The following SGCB variants were observed in gnomAD, a reference collection of about 807,000 sequenced individuals.
The protein encoded by SGCB is beta-sarcoglycan.
SGCB carries 25 observed loss-of-function variants against 27.3 expected under a neutral mutation model. That is an observed-to-expected ratio of 0.92 (90% CI 0.67 to 1.28). The LOEUF (loss-of-function observed/expected upper bound fraction) is 1.28. Ranked by LOEUF, SGCB falls within the 50% of genes most tolerant of loss-of-function variation. The pLI, the probability that SGCB is intolerant of heterozygous loss-of-function variation, is 0.00. For missense variants in SGCB, 436 were observed against 402.1 expected (o/e 1.08, Z -0.72); for synonymous variants, 147 against 133.5 (o/e 1.10, Z -0.70).
At chr4:52,036,287 G>A (rs1461396049) in intron 1 of SGCB, among the ~76,000 whole-genome samples, 1 of 152,210 alleles carries the variant, frequency 6.6e-6, no homozygotes, top group Admixed American at 6.5e-5. Context: ...TGGAGACTTT[G>A]AGAGGCAACC....
At position 52,021,244 on chromosome 4, in the gene SGCB, C is replaced by T. The variant is rs1364098432; in HGVS notation, c.*2713G>A. 6.6e-6 allele frequency: 1 copy of T among 152,218 alleles called. No individual in the cohort carries two copies. The highest frequency in any genetic ancestry group is 1.5e-5 in the Non-Finnish European group (1 of 68,098). 9.4% of individuals were successfully genotyped at this position (152,218 alleles called of 1,614,324 possible). ...TCACCCACCTCCCCCATGGCTACTG[C>T]TTGTCATATCTGTGCTCAGTGCAGG... On this transcript the variant is annotated 3_prime_UTR_variant, in exon 6 of 6. Transcript: ENST00000381431.
rs949154292 is a variant in SGCB, at chr4:52,021,141, C to T, written c.*2816G>A. 3 of 152,156 alleles carry T rather than the reference C, an allele frequency of 2.0e-5. No individual in the cohort carries two copies. The highest frequency in any genetic ancestry group is 7.2e-5 in the African/African-American group (3 of 41,428). 9.4% of individuals were successfully genotyped at this position (152,156 alleles called of 1,614,324 possible). A position where few individuals can be genotyped will look rare whatever the true frequency, so the allele number is the denominator to read the frequency against. ...CATTGATTTCATTTGCCCCCCTTGT[C>T]ATTGCAACCCGTCTCTAGAATACTG... On this transcript the variant is annotated 3_prime_UTR_variant, in exon 6 of 6. Coordinates refer to ENST00000381431, the MANE Select transcript of SGCB (RefSeq NM_000232.5).
rs1352800610 is a variant in SGCB, at chr4:52,021,241, C to T, written c.*2716G>A. On this transcript the variant is annotated 3_prime_UTR_variant, in exon 6 of 6. Transcript: ENST00000381431. ...TTGTCACCCACCTCCCCCATGGCTA[C>T]TGCTTGTCATATCTGTGCTCAGTGC... 1 of 152,248 alleles carries T rather than the reference C, an allele frequency of 6.6e-6. No individual in the cohort carries two copies. The highest frequency in any genetic ancestry group is 6.5e-5 in the Admixed American group (1 of 15,284). 9.4% of individuals were successfully genotyped at this position (152,248 alleles called of 1,614,324 possible).
At chr4:52,037,690 A>G (rs2109379974) in intron 1 of SGCB, among the ~76,000 whole-genome samples, 1 of 152,350 alleles carries the variant, frequency 6.6e-6, no homozygotes, top group Admixed American at 6.5e-5. Context: ...AAAAGTGAAC[A>G]GGAGATAGTT....
rs1484409119 is a variant in SGCB, at chr4:52,033,641, C to T, written c.34-1G>A. On this transcript the variant is annotated splice_acceptor_variant, in intron 1 of 5. Coordinates refer to ENST00000381431, the MANE Select transcript of SGCB (RefSeq NM_000232.5). LOFTEE classifies it high-confidence loss of function. ...TCTTTACAGGACCATTGGAACTTTG[C>T]TAAAAATGAAATACAACATAATGGA... The T allele has an allele frequency of 4.3e-6, 7 of 1,611,026 alleles. No individual in the cohort carries two copies. The highest frequency in any genetic ancestry group is 5.1e-6 in the Non-Finnish European group (6 of 1,177,384).
At chr4:52,025,469 G>T (rs536075314) in intron 5 of SGCB, among the ~76,000 whole-genome samples, 1 of 152,312 alleles carries the variant, frequency 6.6e-6, no homozygotes, top group South Asian at 2.1e-4. Context: ...CCGAGGTGAA[G>T]ATGTGCCTGG....
chr4:52,036,384 G>A (rs1737392577), intron 1 of SGCB, among the ~76,000 whole-genome samples: 1 of 152,118 alleles, frequency 6.6e-6, no homozygotes, highest in Admixed American at 6.6e-5. Flanking sequence ...AATGAGAGAT[G>A]TGCTTAGGGG....
In SGCB at chr4:52,029,731, T is replaced by G. The variant is rs11541943; in HGVS notation, c.376A>C (p.Thr126Pro). The change falls in exon 3 of 6, where the codon ACA becomes CCA. Residue 126 changes from threonine (T) to proline (P), a missense_variant. Transcript: ENST00000381431. ...MGVIHPLYKS[T>P]VGGRRNENLV... ...TTTTCATTTCGCCTTCCTCCTACTG[T>G]GCTTTTATAAAGAGGGTGGATCACT... 1 of 1,613,912 alleles carries G rather than the reference T, an allele frequency of 6.2e-7. No homozygotes were observed. The highest frequency in any genetic ancestry group is 1.7e-5 in the Admixed American group (1 of 60,006).
chr4:52,038,269 C>T lies in SGCB; in HGVS notation c.-10G>A. On this transcript the variant is annotated 5_prime_UTR_variant, in exon 1 of 6. Coordinates refer to ENST00000381431, the MANE Select transcript of SGCB (RefSeq NM_000232.5). ...CCGCCGCTGCCGCCATCTTCCCGCG[C>T]CCGCCGCCGCCGAGCTCCCCGCCCG... 1 of 1,294,136 alleles carries T rather than the reference C, an allele frequency of 7.7e-7. No homozygotes were observed. Among genetic ancestry groups the T allele is most frequent in the Non-Finnish European group, 9.8e-7 (1 of 1,018,926 alleles). The allele number at this position is 1,294,136 out of a possible 1,614,324, so 80.2% of individuals were successfully genotyped here.
At chr4:52,031,809 G>A in intron 2 of SGCB, 1 of 430,778 alleles carries the variant, frequency 2.3e-6, no homozygotes, top group East Asian at 7.1e-5. Context: ...ATTATTTGAG[G>A]GGTAGGGCTT....
intron 2 of SGCB, among the ~76,000 whole-genome samples, chr4:52,032,147 T>C (rs540953042): frequency 2.6e-5 from 4 of 152,314 alleles, no homozygotes; most frequent in Admixed American, 2.6e-4. Context: ...GCTGTCTAAC[T>C]GCTGGCTGGA....
In SGCB at chr4:52,036,747, C is replaced by T. The variant is rs183433248; in HGVS notation, c.33+1480G>A. ...GACTGGCTATATAATTTGTGGGGCC[C>T]AGGGGGAAAAGAAAATGTGGGGCTC... On this transcript the variant is annotated intron_variant, in intron 1 of 5. Coordinates refer to ENST00000381431, the MANE Select transcript of SGCB (RefSeq NM_000232.5). Among the ~76,000 whole-genome samples the T allele has an allele frequency of 1.8e-3, 274 of 152,138 alleles. 1 individual carries two copies. The highest frequency in any genetic ancestry group is 6.5e-3 in the African/African-American group (268 of 41,506).
rs752080167 is a variant in SGCB, at chr4:52,029,700, A to C, written c.407T>G (p.Val136Gly). ...TACAGGCTGGTTGTTGCCAGTGATG[A>C]CCAAATTTTCATTTCGCCTTCCTCC... The part of the protein sequence containing the change: ...TVGGRRNENL[V>G]ITGNNQPIVF... Residue 136 changes from valine (V) to glycine (G), a missense_variant, in exon 3 of 6, where the codon GTC becomes GGC. Val to Gly is a moderately radical substitution (Grantham distance 109). Coordinates refer to ENST00000381431, the MANE Select transcript of SGCB (RefSeq NM_000232.5). The C allele has an allele frequency of 6.2e-7, 1 of 1,613,608 alleles. No homozygotes were observed. Among genetic ancestry groups the C allele is most frequent in the Non-Finnish European group, 8.5e-7 (1 of 1,179,672 alleles).
rs762112285 is a variant in SGCB at position 52,021,008 on chromosome 4, T to A, written c.*2949A>T. 6.6e-6 allele frequency: 1 copy of A among 152,220 alleles called. No individual in the cohort carries two copies. The highest frequency in any genetic ancestry group is 2.4e-5 in the African/African-American group (1 of 41,456). The allele number at this position is 152,220 out of a possible 1,614,324, so 9.4% of individuals were successfully genotyped here. A position where few individuals can be genotyped will look rare whatever the true frequency, so the allele number is the denominator to read the frequency against. ...ATTATCACACAAAATTTATTTTGTT[T>A]TTTTCACAATGCAAAAAGAAGACAA... On this transcript the variant is annotated 3_prime_UTR_variant, in exon 6 of 6. Coordinates refer to ENST00000381431, the MANE Select transcript of SGCB (RefSeq NM_000232.5).
At position 52,023,978 on chromosome 4, in the gene SGCB, G is replaced by T; in HGVS notation, c.936C>A (p.Asn312Lys). The T allele has an allele frequency of 3.1e-6, 5 of 1,614,120 alleles. No homozygotes were observed. The highest frequency in any genetic ancestry group is 4.2e-6 in the Non-Finnish European group (5 of 1,179,994). The change falls in exon 6 of 6, where the codon AAC (asparagine) becomes AAA (lysine). Residue 312 changes from asparagine (N) to lysine (K), a missense_variant. Transcript: ENST00000381431. ...SQNMGCQISDNPCGNTH is the reference protein window; with the variant it reads ...SQNMGCQISDKPCGNTH ...TCTTTTAATGAGTGTTTCCACAGGG[G>T]TTGTCTGAGATTTGGCAGCCCATGT...
chr4:52,033,777 T>C (rs932322365), intron 1 of SGCB, 137 bp from the exon 2 acceptor site: 1 of 726,012 alleles, frequency 1.4e-6, no homozygotes. Flanking sequence ...GCAAATCACA[T>C]TGAGTTGCAG....
rs965919700 is a variant in SGCB, at chr4:52,023,087, G to A, written c.*870C>T. On this transcript the variant is annotated 3_prime_UTR_variant, in exon 6 of 6. Coordinates refer to ENST00000381431, the MANE Select transcript of SGCB (RefSeq NM_000232.5). The stretch of plus-strand genomic sequence containing the variant: ...GGCATTTGGAATCAAGTACATCCAG[G>A]TTTGAGTCATGCCTGAATTCCAATC... The A allele has an allele frequency of 6.6e-6, 1 of 152,172 alleles. No homozygotes were observed. The highest frequency in any genetic ancestry group is 6.5e-5 in the Admixed American group (1 of 15,286). The allele number at this position is 152,172 out of a possible 1,614,324, so 9.4% of individuals were successfully genotyped here.
chr4:52,025,926 G>C (rs1292466056), intron 5 of SGCB, among the ~76,000 whole-genome samples: 1 of 152,226 alleles, frequency 6.6e-6, no homozygotes. Context: ...TGTGGGGATG[G>C]AGAATCTAAC....
chr4:52,024,107 G>A lies in SGCB; in HGVS notation c.807C>T (p.Pro269=). Residue 269 remains proline (P), a synonymous_variant, in exon 6 of 6, where the codon CCC becomes CCT. Transcript: ENST00000381431. ...CCAACTGGTCTCCACTGGAGGAACT[G>A]GGTAGGCGGGTGGTGCTGACCATCA... ...GSVMVSTTRL[P]SSSSGDQLGS... 6.2e-7 allele frequency: 1 copy of A among 1,614,138 alleles called. No individual in the cohort carries two copies. The highest frequency in any genetic ancestry group is 8.5e-7 in the Non-Finnish European group (1 of 1,180,006).
Sources: gnomAD v4.1 joint callset for allele counts (sites outside exome capture counted in the v4.1 genomes callset) on GRCh38, gnomAD v4.1.1 for gene constraint, MANE v1.5 for transcripts, NCBI Gene and HGNC (gene_info 2026-07-23, HGNC 2026-07-21) for gene names.